Variants in TSPEAR observed in about 807,000 individuals in gnomAD.
TSPEAR encodes the protein thrombospondin type laminin G domain and EAR repeats.
In TSPEAR, 69 loss-of-function variants were observed where a neutral mutation model predicts 71.6. The observed-to-expected ratio is 0.96, with a 90% CI of 0.79 to 1.18. The LOEUF (loss-of-function observed/expected upper bound fraction) is 1.18, where lower values mean the gene tolerates loss of function less well. Ranked by LOEUF, TSPEAR falls within the 50% of genes most tolerant of loss-of-function variation. TSPEAR has a pLI of 0.00. For synonymous variants in TSPEAR, 402 were observed against 387.2 expected, an observed-to-expected ratio of 1.04 and a Z score of -0.45; for missense variants, 971 against 894.9, an observed-to-expected ratio of 1.09 and a Z score of -1.09.
intron 1 of TSPEAR, among the ~76,000 whole-genome samples, chr21:44,644,586 T>C (rs1048661373): frequency 3.3e-5 from 5 of 152,214 alleles, no homozygotes; most frequent in Admixed American, 6.5e-5. Flanking sequence ...CCTAATGCAC[T>C]GGAATAAAAT....
intron 1 of TSPEAR, chr21:44,675,999 C>T: frequency 1.2e-6 from 1 of 837,850 alleles, no homozygotes; most frequent in South Asian, 1.3e-5. Context: ...TATCTGGATT[C>T]TCCCTTCAGC....
At chr21:44,678,517 G>A (rs1481022000) in intron 1 of TSPEAR, among the ~76,000 whole-genome samples, 1 of 152,142 alleles carries the variant, frequency 6.6e-6, no homozygotes, top group Non-Finnish European at 1.5e-5. Context: ...AGAACCATAA[G>A]CCAATTAAAC....
chr21:44,656,335 G>A (rs1373331145), intron 1 of TSPEAR, among the ~76,000 whole-genome samples: 2 of 152,202 alleles, frequency 1.3e-5, no homozygotes, highest in African/African-American at 2.4e-5. Flanking sequence ...AAGGACATCC[G>A]TGCACGTCAC....
chr21:44,643,557 CAAT>C (rs1373854287), intron 1 of TSPEAR, among the ~76,000 whole-genome samples: 1 of 152,024 alleles, frequency 6.6e-6, no homozygotes, highest in African/African-American at 2.4e-5. Context: ...AATTATATCT[CAAT>C]AAAGCTGGGG....
intron 1 of TSPEAR, chr21:44,574,524 T>C (rs1555923434): frequency 6.2e-7 from 1 of 1,609,900 alleles, no homozygotes; most frequent in South Asian, 1.1e-5. Flanking sequence ...GCAGTCTAGC[T>C]GCCAGCCGGC....
At position 44,522,026 on chromosome 21, in the gene TSPEAR, C is replaced by G. The variant is rs782056388; in HGVS notation, c.1423G>C (p.Gly475Arg). The G allele has an allele frequency of 6.2e-7, 1 of 1,613,996 alleles. No individual in the cohort carries two copies. Among genetic ancestry groups the G allele is most frequent in the Non-Finnish European group, 8.5e-7 (1 of 1,180,020 alleles). Reference sequence around the variant, plus strand: ...CTGAAGAACTCCCAGTCGTAGGCGCCGGAGGTGGCGATGGTCTGGTTGGCC... The same window carrying G: ...CTGAAGAACTCCCAGTCGTAGGCGCGGGAGGTGGCGATGGTCTGGTTGGCC... ...FEANQTIATS[G>R]AYDWEFFSVG... Residue 475 changes from glycine (G) to arginine (R), a missense_variant, in exon 9 of 12, where the codon GGC becomes CGC. Gly to Arg is a moderately radical substitution (Grantham distance 125, BLOSUM62 -2). Transcript: ENST00000323084.
intron 9 of TSPEAR, among the ~76,000 whole-genome samples, chr21:44,511,635 T>C (rs1227999127): frequency 6.6e-6 from 1 of 152,090 alleles, no homozygotes; most frequent in Non-Finnish European, 1.5e-5. Context: ...ACAGCACAGC[T>C]CTCCCCACAT....
chr21:44,522,330 G>T (rs2052752358), intron 8 of TSPEAR, among the ~76,000 whole-genome samples: 1 of 152,148 alleles, frequency 6.6e-6, no homozygotes, highest in Admixed American at 6.5e-5. Flanking sequence ...TTCCCATATG[G>T]AAATGCTTGG....
chr21:44,675,925 G>C, intron 1 of TSPEAR: 1 of 789,652 alleles, frequency 1.3e-6, no homozygotes, highest in African/African-American at 1.7e-5. Context: ...ATGCTGTCAG[G>C]ATTTCCATTA....
intron 1 of TSPEAR, chr21:44,681,971 C>G (rs1270077998): frequency 6.2e-7 from 1 of 1,613,734 alleles, no homozygotes; most frequent in African/African-American, 1.3e-5. Flanking sequence ...ACACAGAGGA[C>G]TGGCATCTCA....
At chr21:44,521,323 C>A (rs781969944) in intron 9 of TSPEAR, among the ~76,000 whole-genome samples, 1 of 152,196 alleles carries the variant, frequency 6.6e-6, no homozygotes, top group African/African-American at 2.4e-5. Context: ...GCACGCTGTC[C>A]CTGCCCCTGG....
At chr21:44,652,694 C>T (rs988331875) in intron 1 of TSPEAR, among the ~76,000 whole-genome samples, 1 of 152,184 alleles carries the variant, frequency 6.6e-6, no homozygotes, top group Non-Finnish European at 1.5e-5. Context: ...AGATTGAACA[C>T]TGAAATGGCC....
chr21:44,611,734 C>A (rs989887180), intron 1 of TSPEAR, among the ~76,000 whole-genome samples: 1 of 152,294 alleles, frequency 6.6e-6, no homozygotes, highest in Middle Eastern at 3.4e-3. Flanking sequence ...ATAGCAAAGA[C>A]ATACAGGCAA....
chr21:44,600,428 A>G (rs1411424302), intron 1 of TSPEAR, among the ~76,000 whole-genome samples: 1 of 152,170 alleles, frequency 6.6e-6, no homozygotes, highest in Non-Finnish European at 1.5e-5. Flanking sequence ...CTAAACATGA[A>G]ACTCGCACTA....
At chr21:44,573,319 G>A (rs1317708792) in intron 1 of TSPEAR, among the ~76,000 whole-genome samples, 5 of 148,506 alleles carry the variant, frequency 3.4e-5, no homozygotes, top group African/African-American at 9.9e-5. Flanking sequence ...ACACACACAC[G>A]GCAGAGCCAC....
At chr21:44,680,259 C>T (rs587659706) in intron 1 of TSPEAR, among the ~76,000 whole-genome samples, 1 of 152,196 alleles carries the variant, frequency 6.6e-6, no homozygotes, top group South Asian at 2.1e-4. Context: ...CAAAAGAAGA[C>T]ATACAAATGG....
chr21:44,680,862 G>A (rs138746381), intron 1 of TSPEAR, among the ~76,000 whole-genome samples: 2 of 152,290 alleles, frequency 1.3e-5, no homozygotes, highest in Non-Finnish European at 2.9e-5. Context: ...GGTGAAGAAC[G>A]GTGTGTGTTA....
At chr21:44,573,807 C>A (rs1555923062) in intron 1 of TSPEAR, 9 of 1,614,078 alleles carry the variant, frequency 5.6e-6, no homozygotes, top group South Asian at 4.4e-5. Context: ...CGTCTGCCTT[C>A]CTGGTTCCTG....
intron 8 of TSPEAR, among the ~76,000 whole-genome samples, chr21:44,522,648 G>A (rs587609147): frequency 1.3e-5 from 2 of 152,362 alleles, no homozygotes; most frequent in East Asian, 3.9e-4. Context: ...ACAATGGCAG[G>A]TACTCATGGT....
Sources: gnomAD v4.1 joint callset for allele counts (sites outside exome capture counted in the v4.1 genomes callset) on GRCh38, gnomAD v4.1.1 for gene constraint, MANE v1.5 for transcripts, NCBI Gene and HGNC (gene_info 2026-07-23, HGNC 2026-07-21) for gene names.